The following CADM2 variants were observed in gnomAD, a reference collection of about 807,000 sequenced individuals.
CADM2 encodes immunoglobulin superfamily member 4D.
Under a neutral mutation model 49.8 loss-of-function variants are expected in CADM2, and 12 were observed. The observed-to-expected ratio is 0.24, with a 90% confidence interval of 0.15 to 0.39. The LOEUF is 0.39. Ranked by LOEUF, CADM2 falls within the 10% of genes least tolerant of loss-of-function variation. The pLI is 1.00. For missense variants in CADM2, 378 were observed against 492.3 expected (o/e 0.77, Z 2.20); for synonymous variants, 214 against 175.4 (o/e 1.22, Z -1.74).
chr3:85,535,178 A>T (rs2061398105), intron 1 of CADM2, among the ~76,000 whole-genome samples: 1 of 152,102 alleles, frequency 6.6e-6, no homozygotes, highest in African/African-American at 2.4e-5. Context: ...TTAATTTCTT[A>T]CCTTATTTAA....
intron 1 of CADM2, among the ~76,000 whole-genome samples, chr3:85,591,300 A>G (rs1313231538): frequency 6.6e-6 from 1 of 151,996 alleles, no homozygotes; most frequent in Non-Finnish European, 1.5e-5. Flanking sequence ...TTCTTAGAGT[A>G]TGTACTTTTG....
chr3:85,490,405 G>A (rs2039623469), intron 1 of CADM2, among the ~76,000 whole-genome samples: 1 of 151,758 alleles, frequency 6.6e-6, no homozygotes, highest in Non-Finnish European at 1.5e-5. Context: ...AAAAAAAAGT[G>A]TTTTTAACTC....
intron 1 of CADM2, among the ~76,000 whole-genome samples, chr3:84,983,225 GT>G (rs540152939): frequency 1.5e-4 from 23 of 151,870 alleles, no homozygotes; most frequent in African/African-American, 5.3e-4. Flanking sequence ...TAGATATAAA[GT>G]TTTTTTCATC....
chr3:85,511,904 A>G (rs1019554392), intron 1 of CADM2: 1 of 976,152 alleles, frequency 1.0e-6, no homozygotes, highest in Non-Finnish European at 1.2e-6. Context: ...TCAAGGTAAA[A>G]CAAGAAAAAG....
chr3:86,014,869 A>T (rs537684113), intron 8 of CADM2: 6 of 1,541,498 alleles, frequency 3.9e-6, no homozygotes, highest in Non-Finnish European at 5.3e-6. Flanking sequence ...CCTAATGTGT[A>T]TGCATTGATG....
chr3:85,215,930 A>C (rs1576139623), intron 1 of CADM2, among the ~76,000 whole-genome samples: 1 of 152,138 alleles, frequency 6.6e-6, no homozygotes, highest in Non-Finnish European at 1.5e-5. Context: ...CACACCATGC[A>C]GACGCTGCTA....
intron 1 of CADM2, among the ~76,000 whole-genome samples, chr3:85,468,445 A>T (rs1206401964): frequency 6.6e-6 from 1 of 152,118 alleles, no homozygotes; most frequent in East Asian, 1.9e-4. Flanking sequence ...GGCTCTTGCC[A>T]TTTGTGATAC....
chr3:85,869,350 C>T (rs1225934297), intron 3 of CADM2, among the ~76,000 whole-genome samples: 1 of 151,908 alleles, frequency 6.6e-6, no homozygotes, highest in East Asian at 1.9e-4. Context: ...CAGCTTCGTT[C>T]CATTCATTTT....
chr3:85,104,811 T>C (rs2038149383), intron 1 of CADM2, among the ~76,000 whole-genome samples: 1 of 151,408 alleles, frequency 6.6e-6, no homozygotes. Flanking sequence ...GATTCCTAGG[T>C]ATTTTATTCT....
Position 85,329,502 on chromosome 3 carries a change from G to A in CADM2, c.61+369834G>A, listed in dbSNP as rs529636626. The stretch of plus-strand genomic sequence containing the variant: ...GAAGAATTGCTTGAACCCAGGGGGC[G>A]GAGGTTGCAGTGAGCCGAGATTGCA... On this transcript the variant is annotated intron_variant, in intron 1 of 9. Transcript: ENST00000383699. Among the ~76,000 whole-genome samples, 9 of 152,028 alleles carry A rather than the reference G, an allele frequency of 5.9e-5. 1 individual carries two copies. Among genetic ancestry groups the A allele is most frequent in the South Asian group, 2.1e-4 (1 of 4,816 alleles).
chr3:84,986,606 G>T (rs1221538655), intron 1 of CADM2, among the ~76,000 whole-genome samples: 1 of 151,898 alleles, frequency 6.6e-6, no homozygotes, highest in Non-Finnish European at 1.5e-5. Flanking sequence ...ACTGTTGTGG[G>T]GTGGGGGGAG....
At chr3:86,055,672 T>A (rs1208010445) in intron 8 of CADM2, among the ~76,000 whole-genome samples, 1 of 151,946 alleles carries the variant, frequency 6.6e-6, no homozygotes, top group African/African-American at 2.4e-5. Context: ...AATGAAGGAA[T>A]AACTCTCACG....
intron 1 of CADM2, among the ~76,000 whole-genome samples, chr3:85,036,888 A>C (rs2035235283): frequency 6.6e-6 from 1 of 151,310 alleles, no homozygotes; most frequent in Admixed American, 6.6e-5. Flanking sequence ...GCTGTGGCTC[A>C]TGCCTGTTAT....
chr3:86,015,032 C>T (rs1431357328), intron 8 of CADM2: 4 of 871,220 alleles, frequency 4.6e-6, no homozygotes, highest in Admixed American at 3.8e-5. Context: ...TAAAACACAA[C>T]CTGGATTTAA....
intron 1 of CADM2, among the ~76,000 whole-genome samples, chr3:85,646,714 C>A (rs1297067240): frequency 6.6e-6 from 1 of 151,868 alleles, no homozygotes; most frequent in African/African-American, 2.4e-5. Context: ...GGTTACTTCT[C>A]AAATCGCAGC....
chr3:85,228,771 G>T (rs1194313841), intron 1 of CADM2, among the ~76,000 whole-genome samples: 1 of 151,958 alleles, frequency 6.6e-6, no homozygotes, highest in Non-Finnish European at 1.5e-5. Flanking sequence ...CCTACTGGGA[G>T]GTGTCTCCTA....
chr3:85,079,961 A>G (rs1357497374), intron 1 of CADM2, among the ~76,000 whole-genome samples: 1 of 151,974 alleles, frequency 6.6e-6, no homozygotes, highest in Non-Finnish European at 1.5e-5. Context: ...TTGATACACT[A>G]TTGGAAACCA....
At chr3:85,745,643 A>T (rs959907838) in intron 2 of CADM2, among the ~76,000 whole-genome samples, 6 of 152,152 alleles carry the variant, frequency 3.9e-5, no homozygotes, top group Non-Finnish European at 7.3e-5. Flanking sequence ...AGGTGGGAAA[A>T]TCACTTGAGA....
Position 84,959,485 on chromosome 3 carries a change from T to C in CADM2, c.-123T>C. ...TCCGCGGGTTCGAACACCGCAGCGG[T>C]GGGGACGGTGGGTCCGGCGGGCGCC... On this transcript the variant is annotated 5_prime_UTR_variant, in exon 1 of 10. Transcript: ENST00000383699. 1 of 923,650 alleles carries C rather than the reference T, an allele frequency of 1.1e-6. No individual in the cohort carries two copies. The highest frequency in any genetic ancestry group is 1.6e-6 in the Non-Finnish European group (1 of 609,348). 57.2% of individuals were successfully genotyped at this position (923,650 alleles called of 1,614,324 possible).
Sources: gnomAD v4.1 joint callset for allele counts (sites outside exome capture counted in the v4.1 genomes callset) on GRCh38, gnomAD v4.1.1 for gene constraint, MANE v1.5 for transcripts, NCBI Gene and HGNC (gene_info 2026-07-23, HGNC 2026-07-21) for gene names.